The following BCAT1 variants were observed in gnomAD, a reference collection of about 807,000 sequenced individuals.
BCAT1 encodes the protein branched-chain-amino-acid aminotransferase, cytosolic.
In BCAT1, 48 loss-of-function variants were observed where a neutral mutation model predicts 52.4. That is an observed-to-expected ratio of 0.92 (90% CI 0.73 to 1.16). BCAT1 has a LOEUF of 1.16. Ranked by LOEUF, BCAT1 falls within the 50% of genes most tolerant of loss-of-function variation. The probability of loss-of-function intolerance (pLI) is 0.00; values close to 1 mark genes in which losing one functional copy is unlikely to be tolerated. For synonymous variants in BCAT1, 167 were observed against 161.3 expected (o/e 1.04, Z -0.27); for missense variants, 451 against 457.1 (o/e 0.99, Z 0.12).
intron 1 of BCAT1, chr12:24,903,299 G>C (rs1400590994): frequency 1.9e-5 from 7 of 370,872 alleles, no homozygotes; most frequent in Admixed American, 9.6e-5. Flanking sequence ...CTTTCCAAGC[G>C]CAGATATTTC....
At chr12:24,823,780 C>A (rs997587989) in intron 10 of BCAT1, among the ~76,000 whole-genome samples, 4 of 152,174 alleles carry the variant, frequency 2.6e-5, no homozygotes, top group Non-Finnish European at 5.9e-5. Context: ...GAGGCCTCCC[C>A]AGCCATGTCT....
intron 9 of BCAT1, among the ~76,000 whole-genome samples, chr12:24,831,507 G>A (rs2139378549): frequency 6.6e-6 from 1 of 152,252 alleles, no homozygotes; most frequent in African/African-American, 2.4e-5. Context: ...AAATTAGCTG[G>A]GTGTGGTGGT....
chr12:24,900,705 T>G (rs1442391893), intron 2 of BCAT1, among the ~76,000 whole-genome samples: 2 of 152,122 alleles, frequency 1.3e-5, no homozygotes, highest in Admixed American at 6.5e-5. Context: ...CTTTGGGAGG[T>G]GGATTGCATG....
chr12:24,842,176 C>T lies in BCAT1; in HGVS notation c.723G>A (p.Gly241=), dbSNP rs771344378. Residue 241 remains glycine (G), a synonymous_variant, in exon 7 of 11, where the codon GGG becomes GGA. Coordinates refer to ENST00000261192, the MANE Select transcript of BCAT1 (RefSeq NM_005504.7). ...CATAGAGCCACAGGACCTGCTGACA[C>T]CCATTATCTACTGCTTCACATTGGG... ...LFAQCEAVDN[G]CQQVLWLYGE... 3.7e-6 allele frequency: 6 copies of T among 1,613,746 alleles called. No homozygotes were observed. The highest frequency in any genetic ancestry group is 5.1e-6 in the Non-Finnish European group (6 of 1,179,780).
chr12:24,943,801 G>A (rs188158644), intron 1 of BCAT1, among the ~76,000 whole-genome samples: 23,471 of 151,732 alleles, frequency 0.15, 2,472 homozygotes, highest in Non-Finnish European at 0.24. Flanking sequence ...TGGCTAACAT[G>A]GTGAAACCCC....
chr12:24,836,602 A>G lies in BCAT1; in HGVS notation c.818-6T>C. 6.2e-7 allele frequency: 1 copy of G among 1,606,646 alleles called. No homozygotes were observed. Among genetic ancestry groups the G allele is most frequent in the Non-Finnish European group, 8.5e-7 (1 of 1,175,380 alleles). ...AGGAGTTGCCAGTTCTTCTTCTGTC[A>G]ATCAGAAATTGGGACATTTTCAAAC... is the stretch of plus-strand genomic sequence containing the variant. On this transcript the variant is annotated splice_polypyrimidine_tract_variant and splice_region_variant and intron_variant, in intron 7 of 10. Coordinates refer to ENST00000261192, the MANE Select transcript of BCAT1 (RefSeq NM_005504.7).
At chr12:24,864,809 C>A (rs554116482) in intron 5 of BCAT1, among the ~76,000 whole-genome samples, 1 of 152,118 alleles carries the variant, frequency 6.6e-6, no homozygotes, top group Admixed American at 6.5e-5. Flanking sequence ...AACACTGCAA[C>A]CCCACCACCC....
intron 10 of BCAT1, among the ~76,000 whole-genome samples, chr12:24,819,424 G>C (rs1758764297): frequency 6.6e-6 from 1 of 152,056 alleles, no homozygotes; most frequent in African/African-American, 2.4e-5. Context: ...AAATAAGTGG[G>C]GCTCTGGATT....
At chr12:24,895,667 T>C (rs776951371) in intron 2 of BCAT1, among the ~76,000 whole-genome samples, 10 of 152,158 alleles carry the variant, frequency 6.6e-5, no homozygotes, top group Non-Finnish European at 1.3e-4. Context: ...TCCATCTCTT[T>C]GAATATACAA....
At chr12:24,855,318 AAAAG>A (rs1185762057) in intron 5 of BCAT1, among the ~76,000 whole-genome samples, 465 of 150,990 alleles carry the variant, frequency 3.1e-3, no homozygotes, top group Admixed American at 6.0e-3. Context: ...AAAAAAAAAA[AAAAG>A]AAAGAAAAAA....
At chr12:24,852,890 C>G (rs1225739358) in intron 5 of BCAT1, among the ~76,000 whole-genome samples, 1 of 152,152 alleles carries the variant, frequency 6.6e-6, no homozygotes, top group African/African-American at 2.4e-5. Flanking sequence ...TTACTTACAC[C>G]AATTCATTGT....
intron 3 of BCAT1, 31 bp downstream of exon 3, chr12:24,894,244 A>T: frequency 6.2e-7 from 1 of 1,603,112 alleles, no homozygotes; most frequent in East Asian, 2.2e-5. Context: ...AAGTGCAAGC[A>T]TGTCACTCTC....
intron 10 of BCAT1, among the ~76,000 whole-genome samples, chr12:24,829,481 ATT>A (rs770983071): frequency 2.6e-4 from 39 of 152,098 alleles, no homozygotes; most frequent in Non-Finnish European, 4.4e-5. Flanking sequence ...CTACTTTCAA[ATT>A]TTTTCTTCCT....
chr12:24,832,919 A>C, intron 8 of BCAT1, 56 bp from the exon 9 acceptor site: 1 of 1,491,736 alleles, frequency 6.7e-7, no homozygotes, highest in Non-Finnish European at 9.1e-7. Context: ...CATGCAAAAC[A>C]ATTGCAATAC....
intron 5 of BCAT1, among the ~76,000 whole-genome samples, chr12:24,870,583 T>G (rs2063966995): frequency 6.6e-6 from 1 of 152,172 alleles, no homozygotes; most frequent in Admixed American, 6.5e-5. Context: ...AAGAAGATAG[T>G]TTTTGCTCAG....
intron 1 of BCAT1, among the ~76,000 whole-genome samples, chr12:24,947,913 G>A (rs962686977): frequency 5.3e-5 from 8 of 152,298 alleles, no homozygotes; most frequent in African/African-American, 1.7e-4. Flanking sequence ...ATACAAAAAC[G>A]CATAGTTTCC....
chr12:24,883,099 C>A (rs1942547978), intron 3 of BCAT1, among the ~76,000 whole-genome samples: 1 of 151,904 alleles, frequency 6.6e-6, no homozygotes, highest in South Asian at 2.1e-4. Flanking sequence ...CCAGCCTGGA[C>A]AACATGGTGA....
intron 10 of BCAT1, among the ~76,000 whole-genome samples, chr12:24,823,540 T>C (rs1940241273): frequency 6.6e-6 from 1 of 152,230 alleles, no homozygotes; most frequent in Admixed American, 6.5e-5. Flanking sequence ...CACCCAAATC[T>C]CATGTGGAAT....
At chr12:24,916,940 A>G (rs1464475382) in intron 1 of BCAT1, among the ~76,000 whole-genome samples, 3 of 152,250 alleles carry the variant, frequency 2.0e-5, no homozygotes, top group Non-Finnish European at 4.4e-5. Flanking sequence ...GTAGAAAGAA[A>G]GGTAAATGTT....
Sources: gnomAD v4.1 joint callset for allele counts (sites outside exome capture counted in the v4.1 genomes callset) on GRCh38, gnomAD v4.1.1 for gene constraint, MANE v1.5 for transcripts, NCBI Gene and HGNC (gene_info 2026-07-23, HGNC 2026-07-21) for gene names.